The following PIK3C2A variants were observed in gnomAD, a reference collection of about 807,000 sequenced individuals.
PIK3C2A encodes the protein phosphatidylinositol-4-phosphate 3-kinase catalytic subunit type 2 alpha.
PIK3C2A carries 97 observed loss-of-function variants against 204.5 expected under a neutral mutation model. That is an observed-to-expected ratio of 0.47 (90% confidence interval 0.40 to 0.56). The LOEUF (loss-of-function observed/expected upper bound fraction) is 0.56. Among genes scored for constraint, PIK3C2A ranks in the 20% least tolerant of loss-of-function variants. The probability of loss-of-function intolerance (pLI) is 0.00; values close to 1 mark genes in which losing one functional copy is unlikely to be tolerated. For missense variants in PIK3C2A, 1,735 were observed against 1,969.2 expected (o/e 0.88, Z 2.25); for synonymous variants, 653 against 664.4 (o/e 0.98, Z 0.26).
At chr11:17,193,739 G>A (rs1284370590) in intron 1 of PIK3C2A, among the ~76,000 whole-genome samples, 4 of 151,088 alleles carry the variant, frequency 2.6e-5, no homozygotes, top group South Asian at 2.1e-4. Flanking sequence ...CCAGCTACTC[G>A]GGAGGCTGCG....
In PIK3C2A at chr11:17,169,178, A is replaced by C. The variant is rs772222982; in HGVS notation, c.564T>G (p.Ser188Arg). The C allele has an allele frequency of 1.2e-6, 2 of 1,613,922 alleles. No individual in the cohort carries two copies. Among genetic ancestry groups the C allele is most frequent in the Non-Finnish European group, 1.7e-6 (2 of 1,179,926 alleles). ...TFPSTEPIYL[S>R]LPGQSPYFSY... ...AGAAATATGGAGATTGTCCCGGAAG[A>C]CTTAAATATATAGGTTCTGTAGATG... The change falls in exon 2 of 33, where the codon AGT (serine) becomes AGG (arginine). Residue 188 changes from serine to arginine, a missense_variant. Ser to Arg is a moderately radical substitution (Grantham distance 110). Around this residue, in one of 6 missense-constraint regions of PIK3C2A, gnomAD observed 536 missense variants for 546.7 expected, o/e 0.98. Transcript: ENST00000691414.
At chr11:17,098,948 T>G (rs1249026099) in intron 26 of PIK3C2A, among the ~76,000 whole-genome samples, 1 of 152,170 alleles carries the variant, frequency 6.6e-6, no homozygotes, top group Non-Finnish European at 1.5e-5. Flanking sequence ...CAGGCTGGAG[T>G]GCAATGGCGC....
chr11:17,101,805 G>A (rs894211314), intron 24 of PIK3C2A, among the ~76,000 whole-genome samples: 25 of 151,632 alleles, frequency 1.6e-4, no homozygotes, highest in East Asian at 4.0e-4. Flanking sequence ...GGGTTTCACC[G>A]TGTTAGCCAG....
In PIK3C2A at chr11:17,091,997, T is replaced by C. The variant is rs200966778; in HGVS notation, c.4641A>G (p.Ala1547=). 2 of 1,595,988 alleles carry C rather than the reference T, an allele frequency of 1.3e-6. No homozygotes were observed. The highest frequency in any genetic ancestry group is 8.6e-7 in the Non-Finnish European group (1 of 1,164,012). ...TAAAGAGAAAAAAAATAATCTCACC[T>C]GCAGACCTAGCTATCCCTTCAGCTT... is the stretch of plus-strand genomic sequence containing the variant. ...DEKAEGIARS[A]DAGSFSPTPG... The change falls in exon 30 of 33, where the codon GCA becomes GCG. Residue 1547 remains alanine (A), a splice_region_variant and synonymous_variant. Transcript: ENST00000691414.
At chr11:17,101,885 G>C (rs188723305) in intron 24 of PIK3C2A, among the ~76,000 whole-genome samples, 1 of 152,006 alleles carries the variant, frequency 6.6e-6, no homozygotes, top group Non-Finnish European at 1.5e-5. Flanking sequence ...TTACAGGCGT[G>C]AGCCACTGCA....
rs1413234401 is a variant in PIK3C2A at position 17,088,556 on chromosome 11, C to T, written c.*1182G>A. ...CGTGCCCGGCCGAATCTTATTCTTA[C>T]TGGTTACTGTAGAATAATTTCAGTC... On this transcript the variant is annotated 3_prime_UTR_variant, in exon 33 of 33. Coordinates refer to ENST00000691414, the MANE Select transcript of PIK3C2A (RefSeq NM_002645.4). 1 of 152,210 alleles carries T rather than the reference C, an allele frequency of 6.6e-6. No homozygotes were observed. The highest frequency in any genetic ancestry group is 1.5e-5 in the Non-Finnish European group (1 of 68,046). The allele number at this position is 152,210 out of a possible 1,614,324, so 9.4% of individuals were successfully genotyped here.
Position 17,102,652 on chromosome 11 carries a change from A to G in PIK3C2A, c.3851+10T>C. 6.3e-7 allele frequency: 1 copy of G among 1,583,924 alleles called. No individual in the cohort carries two copies. The highest frequency in any genetic ancestry group is 2.3e-5 in the East Asian group (1 of 44,262). On this transcript the variant is annotated intron_variant, in intron 24 of 32. Transcript: ENST00000691414. ...GCCTCATTTCTTTGGCAACAGCAAT[A>G]ACATTATACCTTTTGAAGCTGCCAA...
At chr11:17,120,503 A>AAT (rs1157446453) in intron 15 of PIK3C2A, among the ~76,000 whole-genome samples, 1 of 151,620 alleles carries the variant, frequency 6.6e-6, no homozygotes, top group Non-Finnish European at 1.5e-5. Flanking sequence ...TATATATATA[A>AAT]ATATATATAT....
At chr11:17,113,296 T>C (rs1013919092) in intron 20 of PIK3C2A, among the ~76,000 whole-genome samples, 1 of 152,064 alleles carries the variant, frequency 6.6e-6, no homozygotes, top group South Asian at 2.1e-4. Flanking sequence ...AAGCAAAAAC[T>C]TGAGACACAA....
chr11:17,134,896 C>T lies in PIK3C2A; in HGVS notation c.2031G>A (p.Lys677=), dbSNP rs775426051. The T allele has an allele frequency of 3.1e-6, 5 of 1,614,012 alleles. No individual in the cohort carries two copies. The highest frequency in any genetic ancestry group is 4.2e-6 in the Non-Finnish European group (5 of 1,179,996). The change falls in exon 11 of 33, where the codon AAG becomes AAA. Residue 677 remains lysine, a synonymous_variant. Coordinates refer to ENST00000691414, the MANE Select transcript of PIK3C2A (RefSeq NM_002645.4). ...TDCAQSSKSV[K]EAWTTTEQLQ... is the part of the protein sequence containing the mutation. ...GCTGCTCTGTTGTAGTCCATGCTTC[C>T]TTGACACTCTTGCTACTTTGGGCAC...
Position 17,161,090 on chromosome 11 carries a change from C to T in PIK3C2A, c.1066-5461G>A, listed in dbSNP as rs540447032. On this transcript the variant is annotated intron_variant, in intron 2 of 32. Coordinates refer to ENST00000691414, the MANE Select transcript of PIK3C2A (RefSeq NM_002645.4). ...AGTGGTGAAGGTTTAAAATAATTCA[C>T]AAAAATTTATCATTAATACTCTGTA... Among the ~76,000 whole-genome samples, 31 of 152,162 alleles carry T rather than the reference C, an allele frequency of 2.0e-4. 1 individual carries two copies. The highest frequency in any genetic ancestry group is 1.5e-3 in the East Asian group (8 of 5,182).
At chr11:17,133,405 C>A (rs1003935120) in intron 11 of PIK3C2A, among the ~76,000 whole-genome samples, 6 of 151,934 alleles carry the variant, frequency 3.9e-5, no homozygotes, top group African/African-American at 1.5e-4. Context: ...TACTGAATCC[C>A]CGGTACTAAG....
intron 21 of PIK3C2A, among the ~76,000 whole-genome samples, chr11:17,111,682 G>C (rs1407689677): frequency 6.6e-6 from 1 of 151,732 alleles, no homozygotes. Context: ...TTCGAGACCA[G>C]CCTGGCCAAC....
chr11:17,190,646 G>A (rs989091945), intron 1 of PIK3C2A, among the ~76,000 whole-genome samples: 3 of 151,784 alleles, frequency 2.0e-5, no homozygotes, highest in Non-Finnish European at 2.9e-5. Flanking sequence ...TGTATGAAGT[G>A]ATGGGACATT....
chr11:17,173,032 T>C (rs983013872), intron 1 of PIK3C2A, among the ~76,000 whole-genome samples: 6 of 152,220 alleles, frequency 3.9e-5, no homozygotes, highest in Non-Finnish European at 7.3e-5. Context: ...ACTCTACTTG[T>C]CCTTCAGGGC....
rs376379926 is a variant in PIK3C2A, at chr11:17,169,291, T to A, written c.451A>T (p.Thr151Ser). 1.9e-6 allele frequency: 3 copies of A among 1,614,148 alleles called. No individual in the cohort carries two copies. The highest frequency in any genetic ancestry group is 2.5e-6 in the Non-Finnish European group (3 of 1,179,990). ...GGATAAATAGAAGGTAAAGCATAAG[T>A]GGAAGGCCCAGGTAATCCAGGTGGC... ...QWPPGLPGPS[T>S]YALPSIYPST... Residue 151 changes from threonine to serine, a missense_variant, in exon 2 of 33, where the codon ACT becomes TCT. By Grantham distance (58) the Thr-to-Ser change is moderately conservative. Transcript: ENST00000691414.
chr11:17,117,118 C>T (rs546873560), intron 19 of PIK3C2A, among the ~76,000 whole-genome samples: 3 of 152,208 alleles, frequency 2.0e-5, no homozygotes, highest in African/African-American at 7.2e-5. Flanking sequence ...GAAGTATAGA[C>T]GTATCCATAT....
intron 4 of PIK3C2A, among the ~76,000 whole-genome samples, chr11:17,150,176 C>A (rs1426303127): frequency 6.6e-6 from 1 of 152,134 alleles, no homozygotes; most frequent in East Asian, 1.9e-4. Context: ...ATTTCACTGA[C>A]AGCTCTTTAT....
chr11:17,093,856 C>T (rs1025178937), intron 28 of PIK3C2A, among the ~76,000 whole-genome samples: 1 of 151,950 alleles, frequency 6.6e-6, no homozygotes. Flanking sequence ...AGGCTAGTCT[C>T]CAACTCCTGG....
Sources: allele counts gnomAD v4.1 joint callset (sites outside exome capture counted in the v4.1 genomes callset), GRCh38; gene constraint gnomAD v4.1.1; regional missense constraint gnomAD v4.1.1; transcripts MANE v1.5; gene names NCBI Gene and HGNC (gene_info 2026-07-23, HGNC 2026-07-21).